The following THSD7B variants were observed in gnomAD, a reference collection of about 807,000 sequenced individuals.
The protein encoded by THSD7B is thrombospondin type 1 domain containing 7B.
THSD7B carries 138 observed loss-of-function variants against 213.6 expected under a neutral mutation model. The ratio of observed to expected loss-of-function variants is 0.65; its 90% CI spans 0.56 to 0.74. The LOEUF is 0.74. Among genes scored for constraint, THSD7B ranks in the 30% least tolerant of loss-of-function variants. The pLI, the probability that THSD7B is intolerant of heterozygous loss-of-function variation, is 0.00. For missense variants in THSD7B, 1,931 were observed against 1,991.5 expected (o/e 0.97, Z 0.58); for synonymous variants, 742 against 687.0 (o/e 1.08, Z -1.25).
At chr2:137,648,724 T>C (rs1216789624) in intron 21 of THSD7B, among the ~76,000 whole-genome samples, 1 of 152,146 alleles carries the variant, frequency 6.6e-6, no homozygotes, top group Non-Finnish European at 1.5e-5. Context: ...TTGATCTCTT[T>C]CCCTTCTCTT....
Position 136,945,455 on chromosome 2 carries a change from T to G in THSD7B, c.139+63138T>G, listed in dbSNP as rs192613526. Among the ~76,000 whole-genome samples the G allele has an allele frequency of 3.0e-4, 45 of 152,354 alleles. No individual in the cohort carries two copies. In the East Asian group the frequency reaches 8.7e-3, roughly 29 times the overall value. On this transcript the variant is annotated intron_variant, in intron 2 of 27. Coordinates refer to ENST00000409968, the MANE Select transcript of THSD7B (RefSeq NM_001316349.2). ...ATCTGACAATTATGTGTCTTTGGGT[T>G]GCTCTTCTTGAGGAGTATCTTTGTG...
At chr2:137,239,860 A>C (rs10928601) in intron 9 of THSD7B, among the ~76,000 whole-genome samples, 55,801 of 152,066 alleles carry the variant, frequency 0.37, 10,416 homozygotes, top group East Asian at 0.49. Context: ...GTCCGTGATC[A>C]GGGTGACCTC....
At chr2:137,166,866 TG>T in intron 6 of THSD7B, among the ~76,000 whole-genome samples, 1 of 152,218 alleles carries the variant, frequency 6.6e-6, no homozygotes, top group Non-Finnish European at 1.5e-5. Flanking sequence ...GTGTTTGGGG[TG>T]GGTGGGGCGT....
rs556394861 is a variant in THSD7B, at chr2:136,998,602, C to G, written c.140-57818C>G. 1.1e-4 allele frequency among the ~76,000 whole-genome samples: 17 copies of G among 152,238 alleles called. 1 individual carries two copies. Among genetic ancestry groups the G allele is most frequent in the African/African-American group, 4.1e-4 (17 of 41,538 alleles). ...TGGCATATCGGACTTCACAAATACC[C>G]TTTTGAAAATGACAGACAGAATTTG... On this transcript the variant is annotated intron_variant, in intron 2 of 27. Coordinates refer to ENST00000409968, the MANE Select transcript of THSD7B (RefSeq NM_001316349.2).
intron 2 of THSD7B, among the ~76,000 whole-genome samples, chr2:136,967,539 T>C (rs1337329440): frequency 6.6e-6 from 1 of 152,242 alleles, no homozygotes; most frequent in African/African-American, 2.4e-5. Flanking sequence ...TTGAGATATT[T>C]TCTTTCTCCC....
chr2:137,309,197 A>G (rs1558751612), intron 12 of THSD7B, among the ~76,000 whole-genome samples: 1 of 152,106 alleles, frequency 6.6e-6, no homozygotes, highest in Non-Finnish European at 1.5e-5. Context: ...TCAAAATGGA[A>G]AGGAAAACTC....
At chr2:137,108,611 T>C (rs1204151505) in intron 4 of THSD7B, among the ~76,000 whole-genome samples, 1 of 152,218 alleles carries the variant, frequency 6.6e-6, no homozygotes, top group Non-Finnish European at 1.5e-5. Flanking sequence ...TGTATCTCTT[T>C]ATGAGGACGT....
chr2:136,957,288 C>G (rs1685142351), intron 2 of THSD7B, among the ~76,000 whole-genome samples: 1 of 152,138 alleles, frequency 6.6e-6, no homozygotes, highest in African/African-American at 2.4e-5. Context: ...TGGCAGCCAT[C>G]TTGCTACCAT....
Position 136,833,233 on chromosome 2 carries a change from C to T in THSD7B, c.-35-48911C>T, listed in dbSNP as rs369648680. On this transcript the variant is annotated intron_variant, in intron 1 of 27. Coordinates refer to ENST00000409968, the MANE Select transcript of THSD7B (RefSeq NM_001316349.2). ...ACCAAAAATTAGCTGGGCATGGTGG[C>T]GGGTGCCTGTAGTCCCAGCTACTCG... 8.4e-4 allele frequency among the ~76,000 whole-genome samples: 127 copies of T among 151,848 alleles called. 8 individuals are homozygous for T. In the South Asian group the frequency reaches 0.026, roughly 31 times the overall value.
chr2:137,572,349 T>G (rs1681371632), intron 16 of THSD7B, 57 bp from the exon 17 acceptor site: 1 of 1,584,276 alleles, frequency 6.3e-7, no homozygotes, highest in Non-Finnish European at 8.6e-7. Flanking sequence ...ATAACTATTT[T>G]AAATATACTC....
chr2:136,875,648 T>G (rs1292764443), intron 1 of THSD7B, among the ~76,000 whole-genome samples: 1 of 152,130 alleles, frequency 6.6e-6, no homozygotes, highest in African/African-American at 2.4e-5. Flanking sequence ...CCCCGTAGTT[T>G]CTCCAAGCCA....
chr2:137,197,290 A>C (rs1680783476), intron 7 of THSD7B, among the ~76,000 whole-genome samples: 1 of 152,178 alleles, frequency 6.6e-6, no homozygotes, highest in Non-Finnish European at 1.5e-5. Context: ...AGATGGAGGA[A>C]GGAAGAAGTT....
intron 12 of THSD7B, among the ~76,000 whole-genome samples, chr2:137,383,363 G>A (rs973781605): frequency 1.3e-5 from 2 of 152,194 alleles, no homozygotes; most frequent in African/African-American, 4.8e-5. Context: ...TGAGTCCAGG[G>A]TTCCACCCTG....
At chr2:136,785,851 G>A (rs1275055487) in intron 1 of THSD7B, among the ~76,000 whole-genome samples, 1 of 152,208 alleles carries the variant, frequency 6.6e-6, no homozygotes, top group African/African-American at 2.4e-5. Context: ...AAAATGAGAT[G>A]ATAATATCCA....
chr2:136,902,023 A>G (rs1490478485), intron 2 of THSD7B, among the ~76,000 whole-genome samples: 3 of 152,358 alleles, frequency 2.0e-5, no homozygotes, highest in South Asian at 4.1e-4. Flanking sequence ...TGTAGAGTAT[A>G]TGTCACTGAT....
intron 1 of THSD7B, among the ~76,000 whole-genome samples, chr2:136,849,328 G>A (rs113142791): frequency 6.6e-6 from 1 of 152,118 alleles, no homozygotes; most frequent in Non-Finnish European, 1.5e-5. Context: ...GAATTCTGAA[G>A]CATTGAGAAG....
rs564355195 is a variant in THSD7B at position 137,084,307 on chromosome 2, C to T, written c.951-10566C>T. ...TCTCAAGAAAAAATATAATAAAGGACGTGACAGTTGGGAAGAAAGTTCAAC... is the reference window on the plus strand; with the variant it reads ...TCTCAAGAAAAAATATAATAAAGGATGTGACAGTTGGGAAGAAAGTTCAAC... On this transcript the variant is annotated intron_variant, in intron 3 of 27. Coordinates refer to ENST00000409968, the MANE Select transcript of THSD7B (RefSeq NM_001316349.2). Among the ~76,000 whole-genome samples, 12 of 152,062 alleles carry T rather than the reference C, an allele frequency of 7.9e-5. No homozygotes were observed. In the South Asian group the frequency reaches 1.0e-3, roughly 13 times the overall value.
intron 3 of THSD7B, among the ~76,000 whole-genome samples, chr2:137,090,284 AC>A (rs756648726): frequency 6.6e-6 from 1 of 152,116 alleles, no homozygotes; most frequent in Non-Finnish European, 1.5e-5. Flanking sequence ...ATTGCATAGA[AC>A]AGTAGGGATT....
intron 17 of THSD7B, among the ~76,000 whole-genome samples, chr2:137,608,445 A>C (rs1272551858): frequency 1.3e-5 from 2 of 151,888 alleles, no homozygotes; most frequent in Admixed American, 6.6e-5. Context: ...GTTACTGAGG[A>C]GCAAATTAGA....
Sources: allele counts gnomAD v4.1 joint callset (sites outside exome capture counted in the v4.1 genomes callset), GRCh38; gene constraint gnomAD v4.1.1; transcripts MANE v1.5; gene names NCBI Gene and HGNC (gene_info 2026-07-23, HGNC 2026-07-21).